Variants in NPY2R observed in about 807,000 individuals in gnomAD.
NPY2R encodes neuropeptide Y receptor Y2, also known as neuropeptide Y receptor type 2.
A neutral mutation model predicts 22.3 loss-of-function variants in NPY2R; 17 were observed. That is an observed-to-expected ratio of 0.76 (90% CI 0.52 to 1.14). The LOEUF (loss-of-function observed/expected upper bound fraction) is 1.14. NPY2R is among the 50% of genes most tolerant of loss of function. The pLI, the probability that NPY2R is intolerant of heterozygous loss-of-function variation, is 0.00. For missense variants in NPY2R, 424 were observed against 467.9 expected, an observed-to-expected ratio of 0.91 and a Z score of 0.87; for synonymous variants, 209 against 183.4, an observed-to-expected ratio of 1.14 and a Z score of -1.13.
chr4:155,196,864 G>A, the NPY2R span, among the ~76,000 whole-genome samples: 1 of 151,832 alleles, frequency 6.6e-6, no homozygotes. Context: ...GCTCATCTAG[G>A]CTATAGAGTT....
At chr4:155,189,097 G>C in the NPY2R span, among the ~76,000 whole-genome samples, 3 of 151,994 alleles carry the variant, frequency 2.0e-5, no homozygotes, top group East Asian at 5.8e-4. Context: ...ACTGTTCTAA[G>C]TCACATCCCT....
chr4:155,190,028 G>C, the NPY2R span, among the ~76,000 whole-genome samples: 468 of 152,048 alleles, frequency 3.1e-3, 1 homozygote, highest in African/African-American at 0.011. Context: ...GTACATCAGG[G>C]CTAATGCTTA....
chr4:155,177,564 G>A, the NPY2R span, among the ~76,000 whole-genome samples: 168 of 152,232 alleles, frequency 1.1e-3, 2 homozygotes, highest in African/African-American at 3.9e-3. Flanking sequence ...GGTGCTGCAT[G>A]CTGGTGGCTC....
At chr4:155,197,330 C>G in the NPY2R span, among the ~76,000 whole-genome samples, 3 of 151,860 alleles carry the variant, frequency 2.0e-5, no homozygotes, top group South Asian at 4.1e-4. Flanking sequence ...TCTGAATAAA[C>G]CTAAGGTCAC....
chr4:155,199,857 T>G, the NPY2R span, among the ~76,000 whole-genome samples: 2 of 151,998 alleles, frequency 1.3e-5, no homozygotes, highest in African/African-American at 4.8e-5. Flanking sequence ...AAAATTTACT[T>G]GAGATGGATT....
chr4:155,186,194 A>G, the NPY2R span, among the ~76,000 whole-genome samples: 3 of 152,362 alleles, frequency 2.0e-5, no homozygotes, highest in South Asian at 6.2e-4. Flanking sequence ...CTTGGATGTC[A>G]TGTTTTAAAC....
At chr4:155,182,546 T>C in the NPY2R span, among the ~76,000 whole-genome samples, 1 of 152,142 alleles carries the variant, frequency 6.6e-6, no homozygotes, top group East Asian at 1.9e-4. Context: ...GAGCGAATGA[T>C]GTTTAAAGTG....
the NPY2R span, among the ~76,000 whole-genome samples, chr4:155,188,369 A>G: frequency 6.6e-6 from 1 of 152,060 alleles, no homozygotes; most frequent in East Asian, 1.9e-4. Context: ...AAAGTCTCTG[A>G]TTCAGTGTTT....
chr4:155,177,915 G>A, the NPY2R span, among the ~76,000 whole-genome samples: 3 of 152,030 alleles, frequency 2.0e-5, no homozygotes, highest in Admixed American at 2.0e-4. Context: ...ATTTTGGAGA[G>A]AACCTACCTT....
At position 155,214,842 on chromosome 4, in the gene NPY2R, G is replaced by C. The variant is rs1372991636; in HGVS notation, c.903G>C (p.Lys301Asn). 6.2e-7 allele frequency: 1 copy of C among 1,610,206 alleles called. No homozygotes were observed. ...VDIDSQVLDLKEYKLIFTVFH... is the reference protein window; with the variant it reads ...VDIDSQVLDLNEYKLIFTVFH... ...TTGACAGCCAGGTCCTGGACCTGAA[G>C]GAGTACAAACTCATCTTCACAGTGT... Residue 301 changes from lysine to asparagine, a missense_variant, in exon 2 of 2, where the codon AAG (lysine) becomes AAC (asparagine). Coordinates refer to ENST00000329476, the MANE Select transcript of NPY2R (RefSeq NM_000910.4).
chr4:155,213,468 T>C (rs1213316625), intron 1 of NPY2R, among the ~76,000 whole-genome samples: 1 of 152,170 alleles, frequency 6.6e-6, no homozygotes, highest in East Asian at 1.9e-4. Flanking sequence ...TTTATAAATT[T>C]GAAACAGTCA....
At chr4:155,195,761 T>A in the NPY2R span, among the ~76,000 whole-genome samples, 1 of 151,928 alleles carries the variant, frequency 6.6e-6, no homozygotes, top group South Asian at 2.1e-4. Context: ...AATTTAGATG[T>A]GCTAGCAGAC....
chr4:155,202,774 T>G, the NPY2R span, among the ~76,000 whole-genome samples: 113 of 152,140 alleles, frequency 7.4e-4, no homozygotes, highest in Non-Finnish European at 3.1e-4. Flanking sequence ...AAAACTTAAA[T>G]TTGTTTTCAG....
chr4:155,176,170 A>C, the NPY2R span, among the ~76,000 whole-genome samples: 18 of 150,118 alleles, frequency 1.2e-4, no homozygotes, highest in Admixed American at 6.0e-4. Context: ...TGCTATAAAA[A>C]CCCCCCAATT....
the NPY2R span, among the ~76,000 whole-genome samples, chr4:155,193,575 G>A: frequency 6.6e-6 from 1 of 151,950 alleles, no homozygotes; most frequent in East Asian, 1.9e-4. Context: ...TAGAAGAGGA[G>A]ATGACAGCAA....
chr4:155,206,108 T>C (rs1228740571), upstream of NPY2R, among the ~76,000 whole-genome samples: 1 of 152,150 alleles, frequency 6.6e-6, no homozygotes, highest in Admixed American at 6.5e-5. Context: ...CACTCTCTCC[T>C]ACAACCTAGC....
At chr4:155,185,333 C>G in the NPY2R span, among the ~76,000 whole-genome samples, 6,957 of 152,160 alleles carry the variant, frequency 0.046, 510 homozygotes, top group African/African-American at 0.16. Context: ...CCACCGCGCC[C>G]AGCCAACATA....
chr4:155,204,653 A>T (rs938130074), upstream of NPY2R, among the ~76,000 whole-genome samples: 2 of 152,084 alleles, frequency 1.3e-5, no homozygotes, highest in Admixed American at 6.5e-5. Flanking sequence ...CCATTAAAGG[A>T]AGGATGTATA....
the NPY2R span, among the ~76,000 whole-genome samples, chr4:155,187,157 G>A: frequency 2.0e-5 from 3 of 152,182 alleles, no homozygotes; most frequent in African/African-American, 4.8e-5. Context: ...CAGGCACACA[G>A]CTTGCAGCTC....
Sources: gnomAD v4.1 joint callset for allele counts (sites outside exome capture counted in the v4.1 genomes callset) on GRCh38, gnomAD v4.1.1 for gene constraint, MANE v1.5 for transcripts, NCBI Gene and HGNC (gene_info 2026-07-23, HGNC 2026-07-21) for gene names.